Variants in RNF150 observed in about 807,000 individuals in gnomAD.
The protein encoded by RNF150 is ring finger protein 150.
Under a neutral mutation model 39.3 loss-of-function variants are expected in RNF150, and 24 were observed. The observed-to-expected ratio is 0.61, with a 90% CI of 0.44 to 0.86. RNF150 has a LOEUF of 0.86. RNF150 is among the 40% of genes least tolerant of loss of function. The pLI, the probability that RNF150 is intolerant of heterozygous loss-of-function variation, is 0.00. For synonymous variants in RNF150, 255 were observed against 227.3 expected (o/e 1.12, Z -1.10); for missense variants, 502 against 587.8 (o/e 0.85, Z 1.51).
chr4:141,192,156 C>A (rs1728120636), intron 1 of RNF150, among the ~76,000 whole-genome samples: 1 of 152,138 alleles, frequency 6.6e-6, no homozygotes, highest in Non-Finnish European at 1.5e-5. Flanking sequence ...TTCCTTCAGC[C>A]TATTGCCTTA....
intron 5 of RNF150, among the ~76,000 whole-genome samples, chr4:140,924,305 C>T (rs1477120208): frequency 6.6e-6 from 1 of 152,072 alleles, no homozygotes; most frequent in Non-Finnish European, 1.5e-5. Flanking sequence ...AATAATTCTT[C>T]TAAAAATAAT....
intron 1 of RNF150, among the ~76,000 whole-genome samples, chr4:141,169,140 G>C (rs1727657275): frequency 6.6e-6 from 1 of 152,136 alleles, no homozygotes; most frequent in Admixed American, 6.6e-5. Flanking sequence ...GATCATGGGG[G>C]TGATTTCCAA....
intron 5 of RNF150, among the ~76,000 whole-genome samples, chr4:140,917,712 T>C (rs1730898599): frequency 6.6e-6 from 1 of 151,890 alleles, no homozygotes; most frequent in Admixed American, 6.6e-5. Context: ...TACAGAACTC[T>C]CCACCCCAAA....
At chr4:140,978,504 G>C (rs11735069) in intron 1 of RNF150, among the ~76,000 whole-genome samples, 146,862 of 152,268 alleles carry the variant, frequency 0.96, 71,025 homozygotes, top group East Asian at 1. Context: ...TATTCTACAA[G>C]TGTATAGAAT....
chr4:140,923,923 A>T (rs576099086), intron 5 of RNF150, among the ~76,000 whole-genome samples: 2 of 152,054 alleles, frequency 1.3e-5, no homozygotes, highest in South Asian at 4.2e-4. Flanking sequence ...TTGAACAATG[A>T]GAACACATGG....
At chr4:140,921,114 G>A (rs902713179) in intron 5 of RNF150, among the ~76,000 whole-genome samples, 4 of 150,466 alleles carry the variant, frequency 2.7e-5, no homozygotes, top group Non-Finnish European at 5.9e-5. Flanking sequence ...ACACCAGCAT[G>A]GCACATGCAT....
At chr4:140,984,073 A>G (rs912862035) in intron 1 of RNF150, among the ~76,000 whole-genome samples, 4 of 152,038 alleles carry the variant, frequency 2.6e-5, no homozygotes. Flanking sequence ...CTGTCACATG[A>G]GGTCAGATGT....
At chr4:140,920,946 C>A (rs1191486092) in intron 5 of RNF150, among the ~76,000 whole-genome samples, 1 of 151,722 alleles carries the variant, frequency 6.6e-6, no homozygotes, top group Non-Finnish European at 1.5e-5. Flanking sequence ...AACAAAAAAC[C>A]AAACACTGCA....
intron 1 of RNF150, among the ~76,000 whole-genome samples, chr4:141,028,976 A>G (rs569257484): frequency 6.6e-6 from 1 of 152,312 alleles, no homozygotes; most frequent in East Asian, 1.9e-4. Context: ...ATTTATTAAG[A>G]TATGCTATAA....
At chr4:140,911,820 G>A (rs10023796) in intron 5 of RNF150, among the ~76,000 whole-genome samples, 64,298 of 151,978 alleles carry the variant, frequency 0.42, 14,061 homozygotes, top group East Asian at 0.73. Context: ...TAGAATCTGA[G>A]TCATTATGGC....
chr4:140,937,524 G>C (rs543926096), intron 4 of RNF150, among the ~76,000 whole-genome samples: 1 of 152,312 alleles, frequency 6.6e-6, no homozygotes, highest in Non-Finnish European at 1.5e-5. Flanking sequence ...GCCTCCCAAA[G>C]TGCTGGGATT....
Position 141,132,438 on chromosome 4 carries a change from C to T in RNF150, c.371G>A (p.Gly124Asp), listed in dbSNP as rs1726919930. The T allele has an allele frequency of 2.5e-6, 4 of 1,610,506 alleles. No individual in the cohort carries two copies. Among genetic ancestry groups the T allele is most frequent in the Non-Finnish European group, 3.4e-6 (4 of 1,178,856 alleles). The change falls in exon 1 of 7, where the codon GGC becomes GAC. Residue 124 changes from glycine to aspartate, a missense_variant. By Grantham distance (94) the Gly-to-Asp change is moderately conservative. Transcript: ENST00000515673. The surrounding 1 kb of genome is among the most constrained non-coding windows in gnomAD (Gnocchi z 4.9). ...GKNWIALIPK[G>D]NCTYRDKIRN... ...GATCTTATCCCTGTACGTGCAGTTG[C>T]CCTTGGGGATGAGGGCTATCCAGTT...
Position 140,889,455 on chromosome 4 carries a change from A to G in RNF150, c.1199-21076T>C, listed in dbSNP as rs552978115. ...TAAAACCAAGTCATTACTTTATGTGATGTTTTTCTATACACATTCCTCCTA... is the reference window on the plus strand; with the variant it reads ...TAAAACCAAGTCATTACTTTATGTGGTGTTTTTCTATACACATTCCTCCTA... On this transcript the variant is annotated intron_variant, in intron 6 of 6. Transcript: ENST00000515673. 2.0e-5 allele frequency among the ~76,000 whole-genome samples: 3 copies of G among 152,250 alleles called. No individual in the cohort carries two copies. In the East Asian group the frequency reaches 5.8e-4, roughly 29 times the overall value.
At chr4:140,964,182 A>G (rs1485395643) in intron 2 of RNF150, among the ~76,000 whole-genome samples, 1 of 152,124 alleles carries the variant, frequency 6.6e-6, no homozygotes. Context: ...ATAAATAATC[A>G]CAAATACTAC....
At chr4:140,879,172 TG>T (rs1337891306) in intron 6 of RNF150, among the ~76,000 whole-genome samples, 3 of 152,222 alleles carry the variant, frequency 2.0e-5, no homozygotes, top group African/African-American at 7.2e-5. Flanking sequence ...AATTAGGAAG[TG>T]TGAGGCCTTC....
intron 1 of RNF150, among the ~76,000 whole-genome samples, chr4:141,109,209 C>T (rs144727076): frequency 1.3e-5 from 2 of 152,242 alleles, no homozygotes; most frequent in Non-Finnish European, 2.9e-5. Context: ...ACTATAATCT[C>T]TTTGTTCCTA....
At chr4:140,898,163 G>C (rs1730030593) in intron 6 of RNF150, among the ~76,000 whole-genome samples, 1 of 152,090 alleles carries the variant, frequency 6.6e-6, no homozygotes, top group African/African-American at 2.4e-5. Context: ...ATAGGGCTTG[G>C]ATGCTAGGGA....
At chr4:140,986,761 AT>A (rs1734029015) in intron 1 of RNF150, among the ~76,000 whole-genome samples, 1 of 152,032 alleles carries the variant, frequency 6.6e-6, no homozygotes, top group African/African-American at 2.4e-5. Context: ...TATTACAATT[AT>A]GAAGCAGTCC....
intron 1 of RNF150, among the ~76,000 whole-genome samples, chr4:141,141,400 A>C (rs2111126067): frequency 6.6e-6 from 1 of 152,320 alleles, no homozygotes; most frequent in South Asian, 2.1e-4. Flanking sequence ...GAGTCTACAA[A>C]CGAATCTGGA....
Sources: allele counts gnomAD v4.1 joint callset (sites outside exome capture counted in the v4.1 genomes callset), GRCh38; gene constraint gnomAD v4.1.1; non-coding constraint Gnocchi (gnomAD v3.1); transcripts MANE v1.5; gene names NCBI Gene and HGNC (gene_info 2026-07-23, HGNC 2026-07-21).